The following RFX2 variants were observed in gnomAD, a reference collection of about 807,000 sequenced individuals.
RFX2 encodes the protein regulatory factor X2, also known as DNA-binding protein RFX2.
Under a neutral mutation model 87.8 loss-of-function variants are expected in RFX2, and 20 were observed. The ratio of observed to expected loss-of-function variants is 0.23; its 90% CI spans 0.16 to 0.33. The LOEUF is 0.33. Among genes scored for constraint, RFX2 ranks in the 10% least tolerant of loss-of-function variants. The pLI is 1.00. For synonymous variants in RFX2, 397 were observed against 431.3 expected, an observed-to-expected ratio of 0.92 and a Z score of 0.98; for missense variants, 767 against 1,012.3, an observed-to-expected ratio of 0.76 and a Z score of 3.29.
In RFX2 at chr19:6,010,249, TACCTAGGCC is replaced by T; in HGVS notation, c.900-7_901del. Reference sequence around the variant, plus strand: ...GCTGTCCGTCTTCTGGGCTGGCCGGTACCTAGGCCAGGAACACGCATACCATCATGAGGC... The same window carrying T: ...GCTGTCCGTCTTCTGGGCTGGCCGGTAGGAACACGCATACCATCATGAGGC... On this transcript the variant is annotated splice_acceptor_variant and splice_polypyrimidine_tract_variant and coding_sequence_variant and intron_variant, in exon 9 of 18. Coordinates refer to ENST00000303657, the MANE Select transcript of RFX2 (RefSeq NM_000635.4). LOFTEE classifies it high-confidence loss of function. This position sits in a 1 kb window ranked among gnomAD's most constrained non-coding sequence, Gnocchi z 5.0. 6.5e-7 allele frequency: 1 copy of T among 1,543,334 alleles called. No homozygotes were observed. The highest frequency in any genetic ancestry group is 8.7e-7 in the Non-Finnish European group (1 of 1,143,752).
At chr19:6,005,265 C>T (rs181490405) in intron 12 of RFX2, among the ~76,000 whole-genome samples, 81 of 152,372 alleles carry the variant, frequency 5.3e-4, no homozygotes, top group African/African-American at 1.9e-3. Context: ...TGCTGTTTCC[C>T]ATCTTCCAGC....
At position 6,015,107 on chromosome 19, in the gene RFX2, C is replaced by T. The variant is rs571998111; in HGVS notation, c.779+983G>A. On this transcript the variant is annotated intron_variant, in intron 7 of 17. Transcript: ENST00000303657. ...GGGGCTGCCATAGGCCAAGAGAAGG[C>T]GGGGTGGATTGGTCCAGGTACAGCA... 6.6e-5 allele frequency among the ~76,000 whole-genome samples: 10 copies of T among 152,096 alleles called. No homozygotes were observed. In the South Asian group the frequency reaches 1.0e-3, roughly 16 times the overall value.
intron 1 of RFX2, among the ~76,000 whole-genome samples, chr19:6,096,086 C>T (rs2088019136): frequency 6.6e-6 from 1 of 152,160 alleles, no homozygotes; most frequent in Non-Finnish European, 1.5e-5. Context: ...TTTGCTGATC[C>T]CCACTTCCTT....
In RFX2 at chr19:5,997,401, G is replaced by A. The variant is rs1219811720; in HGVS notation, c.1860-188C>T. 3.1e-6 allele frequency: 2 copies of A among 635,780 alleles called. No homozygotes were observed. The highest frequency in any genetic ancestry group is 2.2e-5 in the South Asian group (1 of 45,290). The allele number at this position is 635,780 out of a possible 1,614,324, so 39.4% of individuals were successfully genotyped here. A position where few individuals can be genotyped will look rare whatever the true frequency, so the allele number is the denominator to read the frequency against. On this transcript the variant is annotated intron_variant, in intron 15 of 17. Coordinates refer to ENST00000303657, the MANE Select transcript of RFX2 (RefSeq NM_000635.4). The surrounding 1 kb of genome is among the most constrained non-coding windows in gnomAD (Gnocchi z 4.2). ...TGCCGAGACCCTGGGCCCACGTGAC[G>A]GACAGGTGGGGCCGGCCTGCGCGCT...
chr19:6,076,549 C>T (rs573231003), intron 1 of RFX2, among the ~76,000 whole-genome samples: 1 of 152,242 alleles, frequency 6.6e-6, no homozygotes, highest in South Asian at 2.1e-4. Context: ...TTTCTTTGTC[C>T]ATAAACGGAG....
At chr19:6,005,844 T>C (rs899861581) in intron 12 of RFX2, among the ~76,000 whole-genome samples, 4 of 152,156 alleles carry the variant, frequency 2.6e-5, no homozygotes, top group Non-Finnish European at 5.9e-5. Flanking sequence ...TGTGTCACAG[T>C]GGGGCTTAAG....
chr19:6,008,335 A>C, intron 9 of RFX2, 111 bp from the exon 10 acceptor site: 1 of 522,914 alleles, frequency 1.9e-6, no homozygotes, highest in Non-Finnish European at 3.4e-6. Context: ...GCCCCACCCC[A>C]TGCAGTCAGG....
rs1207919040 is a variant in RFX2 at position 6,056,101 on chromosome 19, T to C, written c.-8-8597A>G. The stretch of plus-strand genomic sequence containing the variant: ...AGTGAGATGGACGCATTCTGTATGA[T>C]AATACAGTGTGCGGTTACATGGAGT... On this transcript the variant is annotated intron_variant, in intron 1 of 17. Coordinates refer to ENST00000303657, the MANE Select transcript of RFX2 (RefSeq NM_000635.4). The surrounding 1 kb of genome is among the most constrained non-coding windows in gnomAD (Gnocchi z 4.6). Among the ~76,000 whole-genome samples the C allele has an allele frequency of 2.0e-5, 3 of 152,138 alleles. No homozygotes were observed. The highest frequency in any genetic ancestry group is 4.4e-5 in the Non-Finnish European group (3 of 68,026).
In RFX2 at chr19:6,022,118, G is replaced by A. The variant is rs933300288; in HGVS notation, c.597+4045C>T. On this transcript the variant is annotated intron_variant, in intron 6 of 17. Coordinates refer to ENST00000303657, the MANE Select transcript of RFX2 (RefSeq NM_000635.4). The surrounding 1 kb of genome is among the most constrained non-coding windows in gnomAD (Gnocchi z 6.2). ...CCCTGCCTCAGATGGGACCGTGGGC[G>A]GGAGGCGCAGGGGTTGTGGGAGGCG... Among the ~76,000 whole-genome samples, 4 of 152,090 alleles carry A rather than the reference G, an allele frequency of 2.6e-5. No homozygotes were observed. Among genetic ancestry groups the A allele is most frequent in the African/African-American group, 7.2e-5 (3 of 41,400 alleles).
In RFX2 at chr19:5,994,600, G is replaced by C. The variant is rs999146404; in HGVS notation, c.*235C>G. On this transcript the variant is annotated 3_prime_UTR_variant, in exon 18 of 18. Transcript: ENST00000303657. ...GGTCTGGTGGGGCCCTGGTGGCTGC[G>C]CAGGGACCTGGGGACCCAGAGCACA... 2 of 554,770 alleles carry C rather than the reference G, an allele frequency of 3.6e-6. No homozygotes were observed. The highest frequency in any genetic ancestry group is 3.8e-5 in the African/African-American group (2 of 53,120). 34.4% of individuals were successfully genotyped at this position (554,770 alleles called of 1,614,324 possible).
intron 5 of RFX2, among the ~76,000 whole-genome samples, chr19:6,035,850 GGTGTGTGTGTGTGTGT>G (rs34008943): frequency 2.6e-4 from 36 of 137,248 alleles, no homozygotes; most frequent in South Asian, 9.0e-4. Flanking sequence ...CTTGGTGGGG[GGTGTGTGTGTGTGTGT>G]GTGTGTGTGT....
At chr19:6,034,357 G>A (rs1480114797) in intron 5 of RFX2, among the ~76,000 whole-genome samples, 1 of 151,500 alleles carries the variant, frequency 6.6e-6, no homozygotes. Context: ...GCCTCCCGAT[G>A]AGCTGGGACT....
In RFX2 at chr19:6,002,444, C is replaced by T. The variant is rs1431201952; in HGVS notation, c.1650+277G>A. ...AGGAAAATGGCCACAGGGAGGTCAA[C>T]GTGGTGCCACGATCCTGGAAGCTGG... is the stretch of plus-strand genomic sequence containing the variant. On this transcript the variant is annotated intron_variant, in intron 14 of 17. Transcript: ENST00000303657. The surrounding 1 kb of genome is among the most constrained non-coding windows in gnomAD (Gnocchi z 6.7). Among the ~76,000 whole-genome samples the T allele has an allele frequency of 1.3e-5, 2 of 152,208 alleles. No homozygotes were observed. The highest frequency in any genetic ancestry group is 2.4e-5 in the African/African-American group (1 of 41,458).
chr19:6,001,705 G>T lies in RFX2; in HGVS notation c.1859+110C>A. Reference sequence around the variant, plus strand: ...CGGGTTCAGACACTGCTGCAACTCTGCTGAGCCCTGTTTTGCTCTGAGCTC... The same window carrying T: ...CGGGTTCAGACACTGCTGCAACTCTTCTGAGCCCTGTTTTGCTCTGAGCTC... On this transcript the variant is annotated intron_variant, in intron 15 of 17. Transcript: ENST00000303657. The surrounding 1 kb of genome is among the most constrained non-coding windows in gnomAD (Gnocchi z 5.6). 1.1e-6 allele frequency: 1 copy of T among 927,068 alleles called. No homozygotes were observed. The allele number at this position is 927,068 out of a possible 1,614,324, so 57.4% of individuals were successfully genotyped here. A position where few individuals can be genotyped will look rare whatever the true frequency, so the allele number is the denominator to read the frequency against.
At chr19:6,107,156 C>T (rs993506639) in intron 1 of RFX2, among the ~76,000 whole-genome samples, 4 of 151,836 alleles carry the variant, frequency 2.6e-5, no homozygotes, top group East Asian at 1.9e-4. Flanking sequence ...ATTAGCCGGG[C>T]GTGGTGGCAG....
chr19:6,091,352 G>A (rs2087931954), intron 1 of RFX2, among the ~76,000 whole-genome samples: 1 of 151,774 alleles, frequency 6.6e-6, no homozygotes, highest in African/African-American at 2.4e-5. Flanking sequence ...GCATGGTGGC[G>A]TGCACCTATA....
chr19:6,050,914 A>C lies in RFX2; in HGVS notation c.-8-3410T>G, dbSNP rs115818670. 0.017 allele frequency among the ~76,000 whole-genome samples: 2,527 copies of C among 152,290 alleles called. 80 individuals carry two copies. The highest frequency in any genetic ancestry group is 0.058 in the African/African-American group (2,410 of 41,534). On this transcript the variant is annotated intron_variant, in intron 1 of 17. Transcript: ENST00000303657. This position sits in a 1 kb window ranked among gnomAD's most constrained non-coding sequence, Gnocchi z 4.6. ...AGCAGTCAGAGAAAAACTACATATT[A>C]TATTCGGAGAACAAGGGCACAGATG...
chr19:6,019,883 AG>A (rs1208535053), intron 6 of RFX2: 1 of 152,276 alleles, frequency 6.6e-6, no homozygotes, highest in Non-Finnish European at 1.5e-5. Context: ...TGCCCATGTG[AG>A]CATCTGCAGG....
chr19:6,021,879 G>A lies in RFX2; in HGVS notation c.597+4284C>T, dbSNP rs1489132807. On this transcript the variant is annotated intron_variant, in intron 6 of 17. Transcript: ENST00000303657. The surrounding 1 kb of genome is among the most constrained non-coding windows in gnomAD (Gnocchi z 5.7). ...AGAAGGGGCTGGAGGCTGGGTAGGG[G>A]TGGGTGCTGACGGCTGGCTAGGAGG... Among the ~76,000 whole-genome samples the A allele has an allele frequency of 6.6e-6, 1 of 152,190 alleles. No homozygotes were observed. The highest frequency in any genetic ancestry group is 6.5e-5 in the Admixed American group (1 of 15,286).
Sources: gnomAD v4.1 joint callset for allele counts (sites outside exome capture counted in the v4.1 genomes callset) on GRCh38, gnomAD v4.1.1 for gene constraint, Gnocchi (gnomAD v3.1) non-coding constraint, MANE v1.5 for transcripts, NCBI Gene and HGNC (gene_info 2026-07-23, HGNC 2026-07-21) for gene names.